The following NCAM2 variants were observed in gnomAD, a reference collection of about 807,000 sequenced individuals.
The protein encoded by NCAM2 is neural cell adhesion molecule 2, also known as N-CAM-2.
Under a neutral mutation model 98.1 loss-of-function variants are expected in NCAM2, and 30 were observed. The ratio of observed to expected loss-of-function variants is 0.31; its 90% CI spans 0.23 to 0.41. NCAM2 has a LOEUF of 0.41. Ranked by LOEUF, NCAM2 falls within the 10% of genes least tolerant of loss-of-function variation. NCAM2 has a pLI of 1.00. For missense variants in NCAM2, 867 were observed against 1,005.8 expected, an observed-to-expected ratio of 0.86 and a Z score of 1.87; for synonymous variants, 368 against 342.4, an observed-to-expected ratio of 1.07 and a Z score of -0.83.
At chr21:21,502,836 C>CT (rs1211580426) in intron 15 of NCAM2, among the ~76,000 whole-genome samples, 1 of 151,962 alleles carries the variant, frequency 6.6e-6, no homozygotes, top group Non-Finnish European at 1.5e-5. Context: ...TCTTAGGACT[C>CT]TGACTTTTTT....
chr21:21,539,171 G>C lies in NCAM2; in HGVS notation c.*1214G>C, dbSNP rs755367042. On this transcript the variant is annotated 3_prime_UTR_variant, in exon 18 of 18. Transcript: ENST00000400546. ...CAACACAAACTTTCTAATATCTTTT[G>C]TTAGGGTTATACCAGAATAAAATGC... 6.6e-6 allele frequency: 1 copy of C among 152,156 alleles called. No individual in the cohort carries two copies. Among genetic ancestry groups the C allele is most frequent in the African/African-American group, 2.4e-5 (1 of 41,450 alleles). The allele number at this position is 152,156 out of a possible 1,614,324, so 9.4% of individuals were successfully genotyped here. A position where few individuals can be genotyped will look rare whatever the true frequency, so the allele number is the denominator to read the frequency against.
chr21:21,210,585 A>G (rs2069612533), intron 1 of NCAM2: 2 of 1,289,044 alleles, frequency 1.6e-6, no homozygotes, highest in Non-Finnish European at 2.0e-6. Flanking sequence ...ATTCAGGAGG[A>G]CAAGTTTACC....
intron 1 of NCAM2, among the ~76,000 whole-genome samples, chr21:21,274,264 A>G (rs923077414): frequency 6.6e-6 from 1 of 152,214 alleles, no homozygotes; most frequent in Non-Finnish European, 1.5e-5. Flanking sequence ...GAGAAGATCA[A>G]AGAGGTTTGA....
chr21:21,323,028 A>T (rs1464631583), intron 5 of NCAM2, among the ~76,000 whole-genome samples: 2 of 152,180 alleles, frequency 1.3e-5, no homozygotes, highest in African/African-American at 4.8e-5. Flanking sequence ...AAATCCATGA[A>T]AGAATTCATT....
At chr21:21,236,327 A>G (rs2070821398) in intron 1 of NCAM2, among the ~76,000 whole-genome samples, 1 of 152,100 alleles carries the variant, frequency 6.6e-6, no homozygotes, top group African/African-American at 2.4e-5. Flanking sequence ...CATGGTGGAG[A>G]ATTCGTTGAT....
intron 1 of NCAM2, among the ~76,000 whole-genome samples, chr21:21,025,822 A>C (rs2064533750): frequency 1.3e-5 from 2 of 152,220 alleles, no homozygotes; most frequent in Admixed American, 6.5e-5. Context: ...TTTGAATGAG[A>C]GACTGGACTC....
chr21:21,176,736 A>G (rs181396898), intron 1 of NCAM2, among the ~76,000 whole-genome samples: 128 of 152,134 alleles, frequency 8.4e-4, no homozygotes, highest in African/African-American at 3.0e-3. Context: ...TAAAAATATT[A>G]TATATTTCAT....
At chr21:21,220,410 G>A (rs1045537072) in intron 1 of NCAM2, among the ~76,000 whole-genome samples, 6 of 151,968 alleles carry the variant, frequency 3.9e-5, no homozygotes, top group African/African-American at 7.2e-5. Context: ...ACAATAATAC[G>A]CTATAAAATT....
At chr21:21,322,905 A>C (rs922509321) in intron 5 of NCAM2, among the ~76,000 whole-genome samples, 2 of 152,200 alleles carry the variant, frequency 1.3e-5, no homozygotes, top group Non-Finnish European at 2.9e-5. Context: ...CACCACGTCC[A>C]TGTTAGTGGG....
chr21:21,030,478 G>T (rs73230136), intron 1 of NCAM2, among the ~76,000 whole-genome samples: 6 of 151,922 alleles, frequency 3.9e-5, no homozygotes, highest in Non-Finnish European at 7.4e-5. Context: ...CCTTTTTAAG[G>T]GCTCTTGGGA....
chr21:21,040,455 C>A (rs1188381897), intron 1 of NCAM2, among the ~76,000 whole-genome samples: 2 of 151,942 alleles, frequency 1.3e-5, no homozygotes, highest in African/African-American at 4.8e-5. Flanking sequence ...GTTTGCATTA[C>A]AGTATTAAAC....
chr21:21,069,876 C>A (rs2065522457), intron 1 of NCAM2, among the ~76,000 whole-genome samples: 1 of 152,152 alleles, frequency 6.6e-6, no homozygotes, highest in South Asian at 2.1e-4. Context: ...TCTGTGACAT[C>A]CCAAGACAGA....
At chr21:21,296,355 A>C (rs1420307005) in intron 5 of NCAM2, among the ~76,000 whole-genome samples, 1 of 151,890 alleles carries the variant, frequency 6.6e-6, no homozygotes, top group Non-Finnish European at 1.5e-5. Context: ...ACTGTTATTT[A>C]GGAGAATAGG....
chr21:21,285,379 C>T (rs2073064670), intron 3 of NCAM2, among the ~76,000 whole-genome samples: 2 of 151,774 alleles, frequency 1.3e-5, no homozygotes, highest in Non-Finnish European at 2.9e-5. Context: ...AATTTGTGGG[C>T]ACATTGTTGC....
At chr21:20,999,376 G>A (rs779585556) in intron 1 of NCAM2, among the ~76,000 whole-genome samples, 8 of 151,900 alleles carry the variant, frequency 5.3e-5, no homozygotes, top group Admixed American at 6.6e-5. Context: ...GAATAGCCTG[G>A]TAGAATAACC....
intron 12 of NCAM2, chr21:21,463,838 A>C (rs917987715): frequency 6.9e-6 from 1 of 143,954 alleles, no homozygotes; most frequent in Non-Finnish European, 1.5e-5. Flanking sequence ...AGATAATTCA[A>C]GTAAGATCTG....
intron 1 of NCAM2, among the ~76,000 whole-genome samples, chr21:21,078,870 A>G (rs2065734641): frequency 6.6e-6 from 1 of 152,200 alleles, no homozygotes; most frequent in African/African-American, 2.4e-5. Flanking sequence ...ACAGACGGAG[A>G]TCATGTCTTT....
At chr21:21,053,571 A>G (rs1386046664) in intron 1 of NCAM2, among the ~76,000 whole-genome samples, 1 of 151,046 alleles carries the variant, frequency 6.6e-6, no homozygotes, top group Non-Finnish European at 1.5e-5. Context: ...TTTGCCATTT[A>G]TTTACATATA....
At chr21:21,042,337 A>T (rs1190825974) in intron 1 of NCAM2, among the ~76,000 whole-genome samples, 1 of 152,080 alleles carries the variant, frequency 6.6e-6, no homozygotes, top group Non-Finnish European at 1.5e-5. Context: ...GGCATGCACC[A>T]CCACACCCAG....
Sources: allele counts gnomAD v4.1 joint callset (sites outside exome capture counted in the v4.1 genomes callset), GRCh38; gene constraint gnomAD v4.1.1; transcripts MANE v1.5; gene names NCBI Gene and HGNC (gene_info 2026-07-23, HGNC 2026-07-21).